The following DDX24 variants were observed in gnomAD, a reference collection of about 807,000 sequenced individuals.
DDX24 encodes the protein ATP-dependent RNA helicase DDX24.
Under a neutral mutation model 68.9 loss-of-function variants are expected in DDX24, and 24 were observed. The ratio of observed to expected loss-of-function variants is 0.35; its 90% CI spans 0.25 to 0.49. The LOEUF (loss-of-function observed/expected upper bound fraction) is 0.49, where lower values mean the gene tolerates loss of function less well. Among genes scored for constraint, DDX24 ranks in the 20% least tolerant of loss-of-function variants. The pLI is 0.99. For synonymous variants in DDX24, 395 were observed against 385.2 expected (o/e 1.03, Z -0.30); for missense variants, 989 against 1,039.0 (o/e 0.95, Z 0.66).
At position 94,060,417 on chromosome 14, in the gene DDX24, T is replaced by C; in HGVS notation, c.1594A>G (p.Thr532Ala). ...TGCATAAGGAGGTCAAGTTTGGCTG[T>C]TTTATCCATTTTCTTGGTGTGCTTC... ...HKKHTKKMDKTAKLDLLMQKI... is the reference protein window; with the variant it reads ...HKKHTKKMDKAAKLDLLMQKI... The change falls in exon 5 of 9, where the codon ACA becomes GCA. Residue 532 changes from threonine to alanine, a missense_variant. Thr to Ala is a moderately conservative substitution (Grantham distance 58). Transcript: ENST00000621632. The C allele has an allele frequency of 2.5e-6, 4 of 1,614,164 alleles. No individual in the cohort carries two copies. The highest frequency in any genetic ancestry group is 3.4e-6 in the Non-Finnish European group (4 of 1,180,042).
chr14:94,058,867 T>C (rs1016773622), intron 5 of DDX24, among the ~76,000 whole-genome samples: 1 of 152,204 alleles, frequency 6.6e-6, no homozygotes, highest in African/African-American at 2.4e-5. Context: ...ATGGCAACTA[T>C]TCAACTCTGC....
In DDX24 at chr14:94,060,611, C is replaced by T. The variant is rs772339953; in HGVS notation, c.1400G>A (p.Cys467Tyr). 6.2e-6 allele frequency: 10 copies of T among 1,612,334 alleles called. No homozygotes were observed. The highest frequency in any genetic ancestry group is 7.6e-6 in the Non-Finnish European group (9 of 1,178,840). The change falls in exon 5 of 9, where the codon TGC becomes TAC. Residue 467 changes from cysteine (C) to tyrosine (Y), a missense_variant and splice_region_variant. Cys to Tyr is a radical substitution (Grantham distance 194). This residue lies in a region of DDX24 where 691 missense variants were observed against 760.0 expected (regional missense o/e 0.91). Transcript: ENST00000621632. ...YHLRNLRQLRCLVVDEADRMV... is the reference protein window; with the variant it reads ...YHLRNLRQLRYLVVDEADRMV... Reference sequence around the variant, plus strand: ...CCGGTCAGCCTCATCCACTACCAGGCACCTGCAGATCCAGAGAGACCCATA... The same window carrying T: ...CCGGTCAGCCTCATCCACTACCAGGTACCTGCAGATCCAGAGAGACCCATA...
At chr14:94,060,054 GTAAC>G (rs1415770160) in intron 5 of DDX24, 40 bp downstream of exon 5, 1 of 1,553,922 alleles carries the variant, frequency 6.4e-7, no homozygotes, top group Admixed American at 1.9e-5. Flanking sequence ...TTTTACCCCA[GTAAC>G]TAACTAGAGG....
intron 7 of DDX24, among the ~76,000 whole-genome samples, chr14:94,053,686 T>C (rs139577202): frequency 0.019 from 2,893 of 152,192 alleles, 94 homozygotes; most frequent in African/African-American, 0.065. Flanking sequence ...TGGTGGCGCA[T>C]GCCTGTAATC....
At chr14:94,070,018 T>C (rs548840184) in intron 2 of DDX24, among the ~76,000 whole-genome samples, 3 of 151,840 alleles carry the variant, frequency 2.0e-5, no homozygotes, top group South Asian at 4.2e-4. Flanking sequence ...GCCAGAGCAA[T>C]AAGACAAGAG....
At chr14:94,059,799 G>A (rs1045059579) in intron 5 of DDX24, among the ~76,000 whole-genome samples, 2 of 152,154 alleles carry the variant, frequency 1.3e-5, no homozygotes, top group Non-Finnish European at 2.9e-5. Flanking sequence ...GTAACTGAAT[G>A]TGATTCTGAA....
intron 2 of DDX24, 108 bp from the exon 3 acceptor site, chr14:94,062,729 C>T: frequency 7.5e-7 from 1 of 1,332,588 alleles, no homozygotes; most frequent in East Asian, 2.5e-5. Context: ...CCAAGTGCCA[C>T]CCTGACCGAC....
rs115857606 is a variant in DDX24 at position 94,068,034 on chromosome 14, G to A, written c.719-5413C>T. 4.4e-3 allele frequency among the ~76,000 whole-genome samples: 675 copies of A among 152,280 alleles called. 1 individual carries two copies. The highest frequency in any genetic ancestry group is 0.016 in the African/African-American group (645 of 41,548). ...TCAATACTAACATTGAATGGAAATG[G>A]TCTAAATGCTCCACTTAAAAGATAA... On this transcript the variant is annotated intron_variant, in intron 2 of 8. Transcript: ENST00000621632.
rs953609327 is a variant in DDX24 at position 94,055,260 on chromosome 14, A to G, written c.1990-76T>C. On this transcript the variant is annotated intron_variant, in intron 6 of 8. Transcript: ENST00000621632. The stretch of plus-strand genomic sequence containing the variant: ...GTCCTCTCCTCAGGGCCACATCCCC[A>G]AACCAGACCCTCCTACCTCCCAGCC... 2.4e-5 allele frequency: 36 copies of G among 1,478,426 alleles called. No homozygotes were observed. The African/African-American group carries it at 4.9e-4, about 20-fold the overall frequency. The allele number at this position is 1,478,426 out of a possible 1,614,324, so 91.6% of individuals were successfully genotyped here. A position where few individuals can be genotyped will look rare whatever the true frequency, so the allele number is the denominator to read the frequency against.
At position 94,062,470 on chromosome 14, in the gene DDX24, C is replaced by T. The variant is rs779267099; in HGVS notation, c.870G>A (p.Lys290=). 1.2e-6 allele frequency: 2 copies of T among 1,614,182 alleles called. No homozygotes were observed. Among genetic ancestry groups the T allele is most frequent in the South Asian group, 2.2e-5 (2 of 91,072 alleles). ...GCAATGCATCAGACTCAGCTTCAGC[C>T]TTGCCTGGTGATCTAGTCTCAGCTC... is the stretch of plus-strand genomic sequence containing the variant. The part of the protein sequence containing the change: ...EAGAETRSPG[K]AEAESDALPD... Residue 290 remains lysine (K), a synonymous_variant, in exon 3 of 9, where the codon AAG becomes AAA. Coordinates refer to ENST00000621632, the MANE Select transcript of DDX24 (RefSeq NM_020414.4).
In DDX24 at chr14:94,050,212, G is replaced by A. The variant is rs575147608; in HGVS notation, c.*979C>T. ...CATCAGGAAGTCCCTAGTTCCCTGA[G>A]CACATATTTATACCAGGCTGACCAA... On this transcript the variant is annotated 3_prime_UTR_variant, in exon 9 of 9. Coordinates refer to ENST00000621632, the MANE Select transcript of DDX24 (RefSeq NM_020414.4). 2 of 152,338 alleles carry A rather than the reference G, an allele frequency of 1.3e-5. No individual in the cohort carries two copies. Among genetic ancestry groups the A allele is most frequent in the African/African-American group, 4.8e-5 (2 of 41,580 alleles). 9.4% of individuals were successfully genotyped at this position (152,338 alleles called of 1,614,324 possible).
chr14:94,054,190 G>T (rs1885448802), intron 7 of DDX24, among the ~76,000 whole-genome samples: 1 of 152,220 alleles, frequency 6.6e-6, no homozygotes, highest in African/African-American at 2.4e-5. Context: ...GTGATGTGGG[G>T]AAAGAAACCA....
chr14:94,071,651 A>G (rs946436429), intron 2 of DDX24, among the ~76,000 whole-genome samples: 2 of 151,620 alleles, frequency 1.3e-5, no homozygotes, highest in Non-Finnish European at 2.9e-5. Flanking sequence ...CTTTGACTTA[A>G]AAAAAGAAAA....
chr14:94,066,088 T>G (rs1316044948), intron 2 of DDX24, among the ~76,000 whole-genome samples: 1 of 152,280 alleles, frequency 6.6e-6, no homozygotes, highest in East Asian at 1.9e-4. Context: ...CTTTCAGAGC[T>G]GGGAAGCAGA....
intron 3 of DDX24, among the ~76,000 whole-genome samples, chr14:94,061,353 A>C (rs1885592798): frequency 6.6e-6 from 1 of 152,120 alleles, no homozygotes; most frequent in Non-Finnish European, 1.5e-5. Flanking sequence ...TTACCTCCAA[A>C]GCTCTGGGAA....
chr14:94,060,379 C>T lies in DDX24; in HGVS notation c.1632G>A (p.Met544Ile). 1.2e-6 allele frequency: 2 copies of T among 1,614,192 alleles called. No homozygotes were observed. Among genetic ancestry groups the T allele is most frequent in the Non-Finnish European group, 1.7e-6 (2 of 1,180,042 alleles). The change falls in exon 5 of 9, where the codon ATG (methionine) becomes ATA (isoleucine). Residue 544 changes from methionine (M) to isoleucine (I), a missense_variant. Around this residue, in one of 3 missense-constraint regions of DDX24, gnomAD observed 691 missense variants for 760.0 expected, o/e 0.91. Coordinates refer to ENST00000621632, the MANE Select transcript of DDX24 (RefSeq NM_020414.4). ...GGTCAATGACCTTGGGCTTGCCCCT[C>T]ATGCCAATTTTCTGCATAAGGAGGT... ...KLDLLMQKIG[M>I]RGKPKVIDLT...
intron 6 of DDX24, chr14:94,056,363 G>A (rs1208551019): frequency 6.6e-6 from 1 of 152,206 alleles, no homozygotes; most frequent in Non-Finnish European, 1.5e-5. Context: ...GTTGGGACTT[G>A]CAGCACTACT....
At chr14:94,078,652 T>C (rs1394507411) in intron 2 of DDX24, among the ~76,000 whole-genome samples, 1 of 152,202 alleles carries the variant, frequency 6.6e-6, no homozygotes, top group Non-Finnish European at 1.5e-5. Context: ...AGCCTTGCCT[T>C]ACCCCTTTGA....
At chr14:94,064,253 C>T (rs1162131050) in intron 2 of DDX24, among the ~76,000 whole-genome samples, 1 of 152,232 alleles carries the variant, frequency 6.6e-6, no homozygotes, top group Non-Finnish European at 1.5e-5. Context: ...ATTCTTGACA[C>T]AGAGCTTCTA....
Sources: allele counts gnomAD v4.1 joint callset (sites outside exome capture counted in the v4.1 genomes callset), GRCh38; gene constraint gnomAD v4.1.1; regional missense constraint gnomAD v4.1.1; transcripts MANE v1.5; gene names NCBI Gene and HGNC (gene_info 2026-07-23, HGNC 2026-07-21).